Variants in RBFOX1 observed in about 807,000 individuals in gnomAD.
The protein encoded by RBFOX1 is RNA binding protein fox-1 homolog 1.
In RBFOX1, 8 loss-of-function variants were observed where a neutral mutation model predicts 57.7. The observed-to-expected ratio is 0.14, with a 90% CI of 0.08 to 0.25. The LOEUF (loss-of-function observed/expected upper bound fraction) is 0.25, where lower values mean the gene tolerates loss of function less well. Among genes scored for constraint, RBFOX1 ranks in the 10% least tolerant of loss-of-function variants. The pLI is 1.00. For missense variants in RBFOX1, 611 were observed against 548.5 expected (o/e 1.11, Z -1.14); for synonymous variants, 326 against 222.4 (o/e 1.47, Z -4.15).
intron 4 of RBFOX1, among the ~76,000 whole-genome samples, chr16:5,966,118 T>C (rs1371900848): frequency 6.6e-6 from 1 of 152,186 alleles, no homozygotes; most frequent in Non-Finnish European, 1.5e-5. Context: ...AAGTCTAATA[T>C]ACATCAAGTA....
At chr16:5,292,062 A>T (rs926865818) in intron 1 of RBFOX1, among the ~76,000 whole-genome samples, 3 of 136,708 alleles carry the variant, frequency 2.2e-5, no homozygotes, top group Admixed American at 7.3e-5. Context: ...ATGTTTTTTG[A>T]CCTAATTTAT....
At chr16:7,477,352 A>G (rs542340865) in intron 4 of RBFOX1, among the ~76,000 whole-genome samples, 4 of 152,174 alleles carry the variant, frequency 2.6e-5, no homozygotes, top group African/African-American at 9.6e-5. Context: ...GCCCTAAATC[A>G]TTGTGAGGAC....
intron 3 of RBFOX1, among the ~76,000 whole-genome samples, chr16:7,047,295 A>T (rs950134629): frequency 6.6e-6 from 1 of 152,098 alleles, no homozygotes; most frequent in Non-Finnish European, 1.5e-5. Flanking sequence ...TTTCTAAAGG[A>T]TATTTTCATT....
Position 5,829,890 on chromosome 16 carries a change from GT to G in RBFOX1, c.319-37404del, listed in dbSNP as rs1028673750. 1.7e-3 allele frequency among the ~76,000 whole-genome samples: 261 copies of G among 151,676 alleles called. 5 individuals are homozygous for G. The highest frequency in any genetic ancestry group is 0.013 in the Admixed American group (199 of 15,234). ...AACAGGGGGGAAGAAAAGGCCTTTGGTTTTTTTTTCCCCTTAGGTGACTTAC... is the reference window on the plus strand; with the variant it reads ...AACAGGGGGGAAGAAAAGGCCTTTGGTTTTTTTTCCCCTTAGGTGACTTAC... On this transcript the variant is annotated intron_variant, in intron 3 of 19. Coordinates refer to the RBFOX1 transcript ENST00000641259.
chr16:6,304,112 A>G (rs1308470841), intron 1 of RBFOX1, among the ~76,000 whole-genome samples: 2 of 151,630 alleles, frequency 1.3e-5, no homozygotes, highest in African/African-American at 4.8e-5. Context: ...GCCCAGCCCA[A>G]ACCCCATCTT....
intron 3 of RBFOX1, among the ~76,000 whole-genome samples, chr16:6,711,319 T>G (rs1331606797): frequency 6.6e-6 from 1 of 152,110 alleles, no homozygotes; most frequent in East Asian, 1.9e-4. Context: ...AAAGAAAAAG[T>G]CCTTGAAATT....
chr16:6,795,438 T>A (rs2083783664), intron 3 of RBFOX1, among the ~76,000 whole-genome samples: 1 of 152,138 alleles, frequency 6.6e-6, no homozygotes, highest in Admixed American at 6.6e-5. Context: ...CCCATTTTTT[T>A]TAAGTTACGT....
intron 4 of RBFOX1, among the ~76,000 whole-genome samples, chr16:7,104,615 T>G (rs1489432575): frequency 6.6e-6 from 1 of 152,172 alleles, no homozygotes; most frequent in Non-Finnish European, 1.5e-5. Context: ...TGCTGTGATA[T>G]TGCTAACTCC....
At chr16:6,937,060 T>A (rs1173325530) in intron 3 of RBFOX1, among the ~76,000 whole-genome samples, 1 of 151,930 alleles carries the variant, frequency 6.6e-6, no homozygotes, top group African/African-American at 2.4e-5. Flanking sequence ...ACCTGCACAA[T>A]GTGCACATGT....
At chr16:5,761,396 C>A (rs2053583713) in intron 3 of RBFOX1, among the ~76,000 whole-genome samples, 1 of 152,128 alleles carries the variant, frequency 6.6e-6, no homozygotes, top group African/African-American at 2.4e-5. Context: ...TTCATAGAGT[C>A]TTTGTATTAG....
intron 3 of RBFOX1, among the ~76,000 whole-genome samples, chr16:7,014,606 C>T (rs2093814597): frequency 6.6e-6 from 1 of 151,902 alleles, no homozygotes; most frequent in African/African-American, 2.4e-5. Flanking sequence ...ACTGTCTTTG[C>T]AAAAATACAT....
At chr16:5,841,394 C>T (rs1475183323) in intron 3 of RBFOX1, among the ~76,000 whole-genome samples, 1 of 152,180 alleles carries the variant, frequency 6.6e-6, no homozygotes, top group Non-Finnish European at 1.5e-5. Flanking sequence ...TATCCATCAA[C>T]CTTCTTCCTC....
At chr16:7,082,472 C>A (rs1368764709) in intron 4 of RBFOX1, among the ~76,000 whole-genome samples, 1 of 151,396 alleles carries the variant, frequency 6.6e-6, no homozygotes, top group East Asian at 2.0e-4. Context: ...GTCCCAGCTA[C>A]TTGGGAGGCT....
intron 4 of RBFOX1, among the ~76,000 whole-genome samples, chr16:5,945,003 G>C (rs1597897971): frequency 6.9e-6 from 1 of 145,408 alleles, no homozygotes; most frequent in East Asian, 2.0e-4. Context: ...GAGAGAGAGA[G>C]AGAAAGAGAG....
chr16:6,851,258 G>C (rs1280566487), intron 3 of RBFOX1, among the ~76,000 whole-genome samples: 4 of 152,160 alleles, frequency 2.6e-5, no homozygotes, highest in Non-Finnish European at 5.9e-5. Flanking sequence ...TCAATGCGTG[G>C]TTGCCGGGGT....
chr16:6,835,709 G>T (rs1416833035), intron 3 of RBFOX1, among the ~76,000 whole-genome samples: 6 of 133,468 alleles, frequency 4.5e-5, no homozygotes, highest in Non-Finnish European at 6.2e-5. Flanking sequence ...AACCAAGATT[G>T]AGTCATTGCA....
chr16:6,783,049 T>G (rs1394094405), intron 3 of RBFOX1, among the ~76,000 whole-genome samples: 3 of 152,146 alleles, frequency 2.0e-5, no homozygotes, highest in Non-Finnish European at 4.4e-5. Flanking sequence ...TAAGTACAGC[T>G]CTTTATGTTC....
At position 5,988,127 on chromosome 16, in the gene RBFOX1, C is replaced by G. The variant is rs572211730; in HGVS notation, c.351+120792C>G. Among the ~76,000 whole-genome samples the G allele has an allele frequency of 1.8e-4, 27 of 152,310 alleles. 1 individual carries two copies. The South Asian group carries it at 5.2e-3, about 29-fold the overall frequency. ...AGACCCGATTCAATTCGCATTCTAT[C>G]TTGGGACTTCTCTTTGGGCTGTAAC... On this transcript the variant is annotated intron_variant, in intron 4 of 19. Transcript: ENST00000641259.
intron 3 of RBFOX1, among the ~76,000 whole-genome samples, chr16:5,766,879 T>G (rs1597164430): frequency 6.6e-6 from 1 of 152,350 alleles, no homozygotes; most frequent in African/African-American, 2.4e-5. Context: ...GAGGAGTCAC[T>G]GTTTGCAAAG....
Sources: gnomAD v4.1 joint callset for allele counts (sites outside exome capture counted in the v4.1 genomes callset) on GRCh38, gnomAD v4.1.1 for gene constraint, MANE v1.5 for transcripts, NCBI Gene and HGNC (gene_info 2026-07-23, HGNC 2026-07-21) for gene names.